TMPRSS12: variants seen among roughly 807,000 people sequenced by gnomAD.
TMPRSS12 encodes transmembrane serine protease 12.
Under a neutral mutation model 26.0 loss-of-function variants are expected in TMPRSS12, and 25 were observed. The ratio of observed to expected loss-of-function variants is 0.96; its 90% CI spans 0.70 to 1.34. The LOEUF (loss-of-function observed/expected upper bound fraction) is 1.34. Ranked by LOEUF, TMPRSS12 falls within the 40% of genes most tolerant of loss-of-function variation. TMPRSS12 has a pLI of 0.00. For missense variants in TMPRSS12, 441 were observed against 440.1 expected, an observed-to-expected ratio of 1.00 and a Z score of -0.02; for synonymous variants, 150 against 161.7, an observed-to-expected ratio of 0.93 and a Z score of 0.55.
intron 3 of TMPRSS12, among the ~76,000 whole-genome samples, chr12:50,865,371 C>A (rs1937981407): frequency 6.6e-6 from 1 of 152,056 alleles, no homozygotes; most frequent in Non-Finnish European, 1.5e-5. Context: ...AACTAGATAT[C>A]ATATTAGACA....
At chr12:50,853,535 T>C (rs1185315224) in intron 2 of TMPRSS12, among the ~76,000 whole-genome samples, 1 of 148,012 alleles carries the variant, frequency 6.8e-6, no homozygotes, top group Non-Finnish European at 1.5e-5. Flanking sequence ...AAACCAAAAG[T>C]TTTTTGAAAG....
At position 50,843,092 on chromosome 12, in the gene TMPRSS12, A is replaced by T. The variant is rs530967806; in HGVS notation, c.128A>T (p.Gln43Leu). 40 of 1,583,034 alleles carry T rather than the reference A, an allele frequency of 2.5e-5. No individual in the cohort carries two copies. In the Middle Eastern group the frequency reaches 5.0e-4, roughly 20 times the overall value. Residue 43 changes from glutamine to leucine, a missense_variant, in exon 1 of 5, where the codon CAG (glutamine) becomes CTG (leucine). Physicochemically the swap from Gln to Leu is moderately radical, Grantham distance 113. Coordinates refer to ENST00000398458, the MANE Select transcript of TMPRSS12 (RefSeq NM_182559.3). The stretch of plus-strand genomic sequence containing the variant: ...CCGGAACCGGCGGCTAGTTCCCAGC[A>T]GGCTGAGGCCGTCCGCAAGAGGCTC... ...PSPEPAASSQQAEAVRKRLRR... is the reference protein window; with the variant it reads ...PSPEPAASSQLAEAVRKRLRR...
intron 3 of TMPRSS12, among the ~76,000 whole-genome samples, chr12:50,880,300 G>C (rs1273148007): frequency 6.6e-6 from 1 of 152,160 alleles, no homozygotes; most frequent in Non-Finnish European, 1.5e-5. Flanking sequence ...ACACACAGGA[G>C]GGTCACTTGA....
rs973833294 is a variant in TMPRSS12 at position 50,887,592 on chromosome 12, T to G, written c.*79T>G. On this transcript the variant is annotated 3_prime_UTR_variant, in exon 5 of 5. Coordinates refer to ENST00000398458, the MANE Select transcript of TMPRSS12 (RefSeq NM_182559.3). ...TCTATATAATGAACATCATTTATTC[T>G]TCTAGCAATTAATTGCCTACATTAG... 3 of 1,496,350 alleles carry G rather than the reference T, an allele frequency of 2.0e-6. No individual in the cohort carries two copies. The African/African-American group carries it at 4.2e-5, about 21-fold the overall frequency. 92.7% of individuals were successfully genotyped at this position (1,496,350 alleles called of 1,614,324 possible).
chr12:50,868,003 C>T (rs1420880854), intron 3 of TMPRSS12, among the ~76,000 whole-genome samples: 1 of 152,154 alleles, frequency 6.6e-6, no homozygotes, highest in South Asian at 2.1e-4. Context: ...ATCCTGGAAA[C>T]ACATCAAGAT....
rs569678221 is a variant in TMPRSS12, at chr12:50,886,955, T to C, written c.796-307T>C. On this transcript the variant is annotated intron_variant, in intron 4 of 4. Coordinates refer to ENST00000398458, the MANE Select transcript of TMPRSS12 (RefSeq NM_182559.3). Reference sequence around the variant, plus strand: ...AATATTTTGCACACTTCCTAAATTATATTTCTCCTAAGTAATTATATTTAA... The same window carrying C: ...AATATTTTGCACACTTCCTAAATTACATTTCTCCTAAGTAATTATATTTAA... 7.0e-4 allele frequency: 185 copies of C among 264,400 alleles called. 1 individual carries two copies. The South Asian group carries it at 0.013, about 18-fold the overall frequency. 16.4% of individuals were successfully genotyped at this position (264,400 alleles called of 1,614,324 possible).
intron 3 of TMPRSS12, 25 bp downstream of exon 3, chr12:50,859,078 A>G: frequency 6.5e-7 from 1 of 1,532,718 alleles, no homozygotes; most frequent in South Asian, 1.3e-5. Context: ...AATTTTACTG[A>G]TACACATTTT....
At chr12:50,853,968 C>A (rs570549091) in intron 2 of TMPRSS12, among the ~76,000 whole-genome samples, 3 of 152,232 alleles carry the variant, frequency 2.0e-5, no homozygotes, top group Admixed American at 6.5e-5. Flanking sequence ...CTCCCTAATT[C>A]ATTCTACAAA....
chr12:50,869,943 C>T (rs1938026451), intron 3 of TMPRSS12, among the ~76,000 whole-genome samples: 1 of 152,116 alleles, frequency 6.6e-6, no homozygotes, highest in Non-Finnish European at 1.5e-5. Context: ...ATTAGCTGGG[C>T]ATGGTTGCAG....
intron 1 of TMPRSS12, among the ~76,000 whole-genome samples, chr12:50,843,431 G>T (rs1236826546): frequency 6.6e-6 from 1 of 152,150 alleles, no homozygotes; most frequent in African/African-American, 2.4e-5. Flanking sequence ...GAAAGGGAGG[G>T]CTATTAGGTG....
intron 3 of TMPRSS12, among the ~76,000 whole-genome samples, chr12:50,877,096 G>T (rs1392683429): frequency 6.6e-6 from 1 of 152,078 alleles, no homozygotes; most frequent in African/African-American, 2.4e-5. Flanking sequence ...AAGCTAATTT[G>T]GGGGTACTAT....
At chr12:50,847,120 G>A (rs1163720425) in intron 2 of TMPRSS12, among the ~76,000 whole-genome samples, 4 of 147,482 alleles carry the variant, frequency 2.7e-5, no homozygotes, top group South Asian at 2.2e-4. Context: ...GTGCAGTGGC[G>A]CGATCTCGGC....
chr12:50,854,449 T>A (rs117269793), intron 2 of TMPRSS12, among the ~76,000 whole-genome samples: 118 of 152,132 alleles, frequency 7.8e-4, no homozygotes, highest in Non-Finnish European at 1.2e-3. Context: ...GTACTGGAAG[T>A]CCTAACCAGA....
At chr12:50,876,409 G>A (rs1463223921) in intron 3 of TMPRSS12, among the ~76,000 whole-genome samples, 2 of 152,094 alleles carry the variant, frequency 1.3e-5, no homozygotes, top group Admixed American at 6.6e-5. Flanking sequence ...CTATCCAAAG[G>A]AATATAAATC....
chr12:50,873,711 G>A (rs1026403656), intron 3 of TMPRSS12, among the ~76,000 whole-genome samples: 28 of 152,230 alleles, frequency 1.8e-4, no homozygotes, highest in Middle Eastern at 3.4e-3. Context: ...CTGGGCAAGC[G>A]GATAAGTTTG....
chr12:50,850,311 G>T (rs565252323), intron 2 of TMPRSS12, among the ~76,000 whole-genome samples: 1 of 152,114 alleles, frequency 6.6e-6, no homozygotes, highest in Non-Finnish European at 1.5e-5. Flanking sequence ...AAGTGCATTG[G>T]CTCACACCTG....
At chr12:50,872,254 C>T (rs1938050952) in intron 3 of TMPRSS12, among the ~76,000 whole-genome samples, 1 of 152,032 alleles carries the variant, frequency 6.6e-6, no homozygotes, top group Non-Finnish European at 1.5e-5. Flanking sequence ...TGGCTCACGC[C>T]TGTAATCCCA....
Position 50,887,392 on chromosome 12 carries a change from A to G in TMPRSS12, c.926A>G (p.Tyr309Cys), listed in dbSNP as rs753668409. ...GGTGTCTATATTGGGCCATCCTTCTACCAAAAGTGGCTGACAGAGCATTTC... is the reference window on the plus strand; with the variant it reads ...GGTGTCTATATTGGGCCATCCTTCTGCCAAAAGTGGCTGACAGAGCATTTC... ...FPGVYIGPSF[Y>C]QKWLTEHFFH... is the part of the protein sequence containing the mutation. Residue 309 changes from tyrosine (Y) to cysteine (C), a missense_variant, in exon 5 of 5, where the codon TAC (tyrosine) becomes TGC (cysteine). Tyr to Cys is a radical substitution (Grantham distance 194). Coordinates refer to ENST00000398458, the MANE Select transcript of TMPRSS12 (RefSeq NM_182559.3). 1 of 1,613,952 alleles carries G rather than the reference A, an allele frequency of 6.2e-7. No homozygotes were observed. The highest frequency in any genetic ancestry group is 8.5e-7 in the Non-Finnish European group (1 of 1,179,860).
intron 3 of TMPRSS12, among the ~76,000 whole-genome samples, chr12:50,880,845 T>C (rs1037090274): frequency 6.6e-6 from 1 of 151,900 alleles, no homozygotes; most frequent in African/African-American, 2.4e-5. Context: ...TAGATGAACC[T>C]TGAAAACCTT....
Sources: gnomAD v4.1 joint callset for allele counts (sites outside exome capture counted in the v4.1 genomes callset) on GRCh38, gnomAD v4.1.1 for gene constraint, MANE v1.5 for transcripts, NCBI Gene and HGNC (gene_info 2026-07-23, HGNC 2026-07-21) for gene names.